Variants in DLGAP2 observed in about 807,000 individuals in gnomAD.
The protein encoded by DLGAP2 is disks large-associated protein 2.
In DLGAP2, 26 loss-of-function variants were observed where a neutral mutation model predicts 100.3. That is an observed-to-expected ratio of 0.26 (90% CI 0.19 to 0.36). The LOEUF (loss-of-function observed/expected upper bound fraction) is 0.36. DLGAP2 is among the 10% of genes least tolerant of loss of function. The pLI is 1.00. For missense variants in DLGAP2, 1,858 were observed against 1,453.2 expected, an observed-to-expected ratio of 1.28 and a Z score of -4.53; for synonymous variants, 886 against 630.1, an observed-to-expected ratio of 1.41 and a Z score of -6.08.
intron 3 of DLGAP2, among the ~76,000 whole-genome samples, chr8:1,363,068 G>T (rs1374901462): frequency 1.3e-5 from 2 of 152,164 alleles, no homozygotes; most frequent in Admixed American, 1.3e-4. Flanking sequence ...CCAAAAATCT[G>T]GTTTCTGTCT....
chr8:852,789 C>G (rs1797206220), intron 1 of DLGAP2, among the ~76,000 whole-genome samples: 1 of 152,220 alleles, frequency 6.6e-6, no homozygotes, highest in East Asian at 1.9e-4. Context: ...CTAAGTAGCA[C>G]AGTTTCATTC....
intron 6 of DLGAP2, among the ~76,000 whole-genome samples, chr8:1,623,754 G>A (rs562724607): frequency 6.6e-6 from 1 of 152,378 alleles, no homozygotes; most frequent in South Asian, 2.1e-4. Context: ...GTTGGGAAGA[G>A]GCCTGGTTTA....
At chr8:907,517 T>A (rs1385182414) in intron 1 of DLGAP2, among the ~76,000 whole-genome samples, 8 of 152,242 alleles carry the variant, frequency 5.3e-5, no homozygotes, top group Admixed American at 3.9e-4. Context: ...CCCAGCACAA[T>A]GTTCCAACAG....
chr8:1,558,484 C>A (rs368794630), intron 5 of DLGAP2, among the ~76,000 whole-genome samples: 2 of 152,154 alleles, frequency 1.3e-5, no homozygotes, highest in African/African-American at 4.8e-5. Context: ...GAGACACATA[C>A]AAACATGCAC....
intron 3 of DLGAP2, among the ~76,000 whole-genome samples, chr8:1,386,155 G>C (rs1341199764): frequency 2.6e-5 from 4 of 152,248 alleles, no homozygotes; most frequent in Admixed American, 2.6e-4. Flanking sequence ...TGCTCACAGT[G>C]ACTTTGCAAA....
At chr8:1,124,045 C>T (rs1585082423) in intron 2 of DLGAP2, among the ~76,000 whole-genome samples, 1 of 152,138 alleles carries the variant, frequency 6.6e-6, no homozygotes, top group Admixed American at 6.5e-5. Flanking sequence ...TTCATTTTCC[C>T]TGTATGCAGA....
intron 1 of DLGAP2, among the ~76,000 whole-genome samples, chr8:860,874 G>A (rs1401288079): frequency 1.3e-5 from 2 of 152,158 alleles, no homozygotes; most frequent in African/African-American, 4.8e-5. Context: ...CGCCTATGAA[G>A]AAATGGTAAA....
chr8:1,696,666 T>C (rs1201910727), intron 13 of DLGAP2, among the ~76,000 whole-genome samples: 1 of 152,170 alleles, frequency 6.6e-6, no homozygotes, highest in African/African-American at 2.4e-5. Context: ...TCCTGTTCCT[T>C]GGCGCATTAC....
intron 4 of DLGAP2, among the ~76,000 whole-genome samples, chr8:1,506,333 A>G (rs184803239): frequency 4.1e-4 from 62 of 152,274 alleles, no homozygotes; most frequent in Non-Finnish European, 7.6e-4. Context: ...AGTGTATTAC[A>G]TTGTAGGTTC....
intron 2 of DLGAP2, among the ~76,000 whole-genome samples, chr8:1,195,679 A>G (rs1389567766): frequency 6.6e-6 from 1 of 152,056 alleles, no homozygotes. Context: ...TTGTTTATGG[A>G]CGTCTTATCA....
intron 1 of DLGAP2, among the ~76,000 whole-genome samples, chr8:888,390 T>C (rs1421634331): frequency 6.6e-6 from 1 of 152,210 alleles, no homozygotes; most frequent in Non-Finnish European, 1.5e-5. Flanking sequence ...TGTCAATTTG[T>C]CCACCTGATC....
At chr8:1,546,980 G>T (rs3812480) in intron 4 of DLGAP2, among the ~76,000 whole-genome samples, 70,058 of 151,934 alleles carry the variant, frequency 0.46, 16,273 homozygotes, top group East Asian at 0.57. Flanking sequence ...TCTTGCTCCT[G>T]TCTGGGTCTT....
At position 737,997 on chromosome 8, in the gene DLGAP2, G is replaced by A. The variant is rs1188568727; in HGVS notation, c.18+172G>A. On this transcript the variant is annotated intron_variant, in intron 1 of 14. Coordinates refer to ENST00000637795, the MANE Select transcript of DLGAP2 (RefSeq NM_001346810.2). ...GGGGCCGGAGCGCTGGGGACCCCAGGGACAGCCTGTGCTCGGGGGTCGCGC... is the reference window on the plus strand; with the variant it reads ...GGGGCCGGAGCGCTGGGGACCCCAGAGACAGCCTGTGCTCGGGGGTCGCGC... 4.0e-5 allele frequency: 13 copies of A among 324,784 alleles called. No individual in the cohort carries two copies. The Admixed American group carries it at 4.4e-4, about 11-fold the overall frequency. The allele number at this position is 324,784 out of a possible 1,614,324, so 20.1% of individuals were successfully genotyped here.
At chr8:767,426 G>A (rs1821244132) in intron 1 of DLGAP2, among the ~76,000 whole-genome samples, 1 of 150,560 alleles carries the variant, frequency 6.6e-6, no homozygotes, top group Non-Finnish European at 1.5e-5. Context: ...TCTTGACTCG[G>A]TCTTGGCTCA....
intron 2 of DLGAP2, among the ~76,000 whole-genome samples, chr8:1,251,187 A>G (rs1051563644): frequency 6.6e-6 from 1 of 152,186 alleles, no homozygotes; most frequent in Non-Finnish European, 1.5e-5. Flanking sequence ...ACTTCTAAAA[A>G]TTTACTGTCA....
chr8:1,216,899 C>T (rs983769658), intron 2 of DLGAP2, among the ~76,000 whole-genome samples: 1 of 152,298 alleles, frequency 6.6e-6, no homozygotes, highest in Non-Finnish European at 1.5e-5. Context: ...TTAATCCCCA[C>T]ACAGGTACTG....
At chr8:1,230,744 A>G (rs879884012) in intron 2 of DLGAP2, among the ~76,000 whole-genome samples, 1 of 152,226 alleles carries the variant, frequency 6.6e-6, no homozygotes, top group Admixed American at 6.5e-5. Flanking sequence ...GTTGACAAAA[A>G]TAAGCAATGG....
chr8:1,284,530 C>CA (rs1799884355), intron 3 of DLGAP2, among the ~76,000 whole-genome samples: 1 of 152,198 alleles, frequency 6.6e-6, no homozygotes, highest in South Asian at 2.1e-4. Flanking sequence ...GCTGTCAACT[C>CA]ACCGCTTTCA....
At chr8:1,585,056 A>G (rs747974825) in intron 6 of DLGAP2, among the ~76,000 whole-genome samples, 21 of 152,094 alleles carry the variant, frequency 1.4e-4, no homozygotes, top group Non-Finnish European at 2.2e-4. Context: ...TGTTATTTCT[A>G]TGTTTCTCAT....
Sources: gnomAD v4.1 joint callset for allele counts (sites outside exome capture counted in the v4.1 genomes callset) on GRCh38, gnomAD v4.1.1 for gene constraint, MANE v1.5 for transcripts, NCBI Gene and HGNC (gene_info 2026-07-23, HGNC 2026-07-21) for gene names.